The following PIGB variants were observed in gnomAD, a reference collection of about 807,000 sequenced individuals.
PIGB encodes the protein phosphatidylinositol glycan anchor biosynthesis class B, also known as GPI alpha-1,2-mannosyltransferase 3.
A neutral mutation model predicts 68.4 loss-of-function variants in PIGB; 58 were observed. The observed-to-expected ratio is 0.85, with a 90% CI of 0.69 to 1.06. The LOEUF (loss-of-function observed/expected upper bound fraction) is 1.06. Ranked by LOEUF, PIGB falls within the 50% of genes least tolerant of loss-of-function variation. PIGB has a pLI of 0.00. For synonymous variants in PIGB, 219 were observed against 220.5 expected, an observed-to-expected ratio of 0.99 and a Z score of 0.06; for missense variants, 634 against 655.8, an observed-to-expected ratio of 0.97 and a Z score of 0.36.
At chr15:55,320,187 G>C in intron 1 of PIGB, 88 bp from the exon 2 acceptor site, 1 of 1,303,468 alleles carries the variant, frequency 7.7e-7, no homozygotes, top group South Asian at 1.4e-5. Context: ...GCCTTACAAG[G>C]AGCCAACCAG....
chr15:55,351,375 G>A (rs1027036479), intron 10 of PIGB, among the ~76,000 whole-genome samples: 1 of 151,632 alleles, frequency 6.6e-6, no homozygotes, highest in African/African-American at 2.4e-5. Flanking sequence ...CCAAAGTGCG[G>A]GGATTACAGG....
intron 2 of PIGB, 42 bp from the exon 3 acceptor site, chr15:55,321,231 A>T: frequency 5.5e-6 from 8 of 1,463,706 alleles, no homozygotes; most frequent in Non-Finnish European, 6.4e-6. Flanking sequence ...ACACGGAAAT[A>T]GGTTTCAATA....
Position 55,350,740 on chromosome 15 carries a change from C to T in PIGB, c.1165C>T (p.Leu389=). 6.2e-7 allele frequency: 1 copy of T among 1,613,682 alleles called. No individual in the cohort carries two copies. The highest frequency in any genetic ancestry group is 8.5e-7 in the Non-Finnish European group (1 of 1,179,702). ...CCTGAAAACATGGAAGAAACCAGCT[C>T]TAAGTTTCCTGTTTTTATCAAATTT... ...THLKTWKKPA[L]SFLFLSNLFL... is the part of the protein sequence containing the mutation. The change falls in exon 10 of 12, where the codon CTA becomes TTA. Residue 389 remains leucine, a synonymous_variant. Transcript: ENST00000164305.
At chr15:55,336,761 G>C (rs752458083) in intron 6 of PIGB, among the ~76,000 whole-genome samples, 1 of 152,246 alleles carries the variant, frequency 6.6e-6, no homozygotes, top group Non-Finnish European at 1.5e-5. Context: ...GCTGAGGCAG[G>C]CACATCACCT....
chr15:55,348,254 G>A (rs933308248), intron 9 of PIGB: 1 of 152,226 alleles, frequency 6.6e-6, no homozygotes, highest in South Asian at 2.1e-4. Flanking sequence ...CAAAGTCCTG[G>A]GATTACAGGC....
chr15:55,327,961 C>T (rs1452476312), intron 4 of PIGB, among the ~76,000 whole-genome samples: 15 of 152,182 alleles, frequency 9.9e-5, no homozygotes, highest in Non-Finnish European at 2.9e-5. Flanking sequence ...TTCTAAATTA[C>T]CAGCTACCTC....
At chr15:55,331,771 C>T (rs948751656) in intron 5 of PIGB, among the ~76,000 whole-genome samples, 5 of 151,936 alleles carry the variant, frequency 3.3e-5, no homozygotes, top group East Asian at 1.9e-4. Context: ...TGTTCAACTC[C>T]GGGATCAAGT....
rs138787607 is a variant in PIGB at position 55,328,365 on chromosome 15, G to C, written c.522+730G>C. Among the ~76,000 whole-genome samples the C allele has an allele frequency of 7.5e-3, 1,029 of 136,314 alleles. 7 individuals are homozygous for C. Among genetic ancestry groups the C allele is most frequent in the Middle Eastern group, 0.014 (4 of 282 alleles). The allele number at this position is 136,314 out of a possible 152,430, so 89.4% of individuals were successfully genotyped here. A position where few individuals can be genotyped will look rare whatever the true frequency, so the allele number is the denominator to read the frequency against. ...AAAGTTAATAAGCTTATATGAGCCT[G>C]TTTGAAAGTCTTAACTACCTTTTTT... On this transcript the variant is annotated intron_variant, in intron 4 of 11. Coordinates refer to ENST00000164305, the MANE Select transcript of PIGB (RefSeq NM_004855.5).
chr15:55,355,215 T>C, intron 11 of PIGB, 71 bp from the exon 12 acceptor site: 1 of 1,248,848 alleles, frequency 8.0e-7, no homozygotes, highest in Non-Finnish European at 1.1e-6. Context: ...GAATAGGCAA[T>C]TCTAAAATTG....
Position 55,319,430 on chromosome 15 carries a change from T to G in PIGB, c.163+17T>G. The G allele has an allele frequency of 6.5e-7, 1 of 1,548,688 alleles. No homozygotes were observed. On this transcript the variant is annotated intron_variant, in intron 1 of 11. Coordinates refer to ENST00000164305, the MANE Select transcript of PIGB (RefSeq NM_004855.5). Reference sequence around the variant, plus strand: ...GCCGCGGGGGTGAGTGAGGGGACACTGTCTGGAGAGCTCCTACCCCCATCT... The same window carrying G: ...GCCGCGGGGGTGAGTGAGGGGACACGGTCTGGAGAGCTCCTACCCCCATCT...
chr15:55,355,045 G>A lies in PIGB; in HGVS notation c.1518+67G>A. On this transcript the variant is annotated intron_variant, in intron 11 of 11. Transcript: ENST00000164305. ...TTACCCCAGGTTTAGGAAACCCTCAGGTAAATAGATAATATAACCTTTTTA... is the reference window on the plus strand; with the variant it reads ...TTACCCCAGGTTTAGGAAACCCTCAAGTAAATAGATAATATAACCTTTTTA... 5 of 1,290,570 alleles carry A rather than the reference G, an allele frequency of 3.9e-6. No individual in the cohort carries two copies. The South Asian group carries it at 4.0e-5, about 10-fold the overall frequency. The allele number at this position is 1,290,570 out of a possible 1,614,324, so 79.9% of individuals were successfully genotyped here.
intron 9 of PIGB, among the ~76,000 whole-genome samples, chr15:55,344,170 A>C (rs2055737463): frequency 6.6e-6 from 1 of 152,234 alleles, no homozygotes; most frequent in African/African-American, 2.4e-5. Context: ...TCCATTTATT[A>C]TAATTTACAG....
chr15:55,347,802 T>C (rs2055828758), intron 9 of PIGB, among the ~76,000 whole-genome samples: 1 of 152,122 alleles, frequency 6.6e-6, no homozygotes, highest in African/African-American at 2.4e-5. Context: ...ATCACCATCA[T>C]GTAAGGCAAG....
intron 4 of PIGB, 110 bp from the exon 5 acceptor site, chr15:55,329,613 CT>C: frequency 1.1e-6 from 1 of 870,068 alleles, no homozygotes; most frequent in Admixed American, 2.6e-5. Flanking sequence ...CATCATCTAC[CT>C]TTTGATGTCC....
At chr15:55,353,490 G>C (rs56810972) in intron 10 of PIGB, among the ~76,000 whole-genome samples, 4,265 of 149,784 alleles carry the variant, frequency 0.028, 196 homozygotes, top group African/African-American at 0.099. Context: ...GTTTGTATCA[G>C]TGAGGTTTAA....
intron 9 of PIGB, among the ~76,000 whole-genome samples, chr15:55,343,902 A>G (rs1595795765): frequency 6.6e-6 from 1 of 152,306 alleles, no homozygotes; most frequent in East Asian, 1.9e-4. Flanking sequence ...AGAGGTTCCA[A>G]CAGTAGGATC....
intron 11 of PIGB, 116 bp from the exon 12 acceptor site, chr15:55,355,170 T>G (rs539834403): frequency 2.1e-6 from 2 of 948,898 alleles, no homozygotes; most frequent in Non-Finnish European, 3.1e-6. Flanking sequence ...ATAAGTTAAT[T>G]CTTTTATTAA....
intron 9 of PIGB, chr15:55,343,579 C>T (rs1221702790): frequency 1.3e-5 from 2 of 152,206 alleles, no homozygotes. Flanking sequence ...TGTCTGAATC[C>T]TCATTGCCAG....
chr15:55,342,976 A>G (rs2055705984), intron 9 of PIGB, among the ~76,000 whole-genome samples: 1 of 152,160 alleles, frequency 6.6e-6, no homozygotes, highest in Non-Finnish European at 1.5e-5. Flanking sequence ...AGCCAACTGG[A>G]ACTGGAGGCT....
Sources: allele counts gnomAD v4.1 joint callset (sites outside exome capture counted in the v4.1 genomes callset), GRCh38; gene constraint gnomAD v4.1.1; transcripts MANE v1.5; gene names NCBI Gene and HGNC (gene_info 2026-07-23, HGNC 2026-07-21).